The following HCN3 variants were observed in gnomAD, a reference collection of about 807,000 sequenced individuals.
The protein encoded by HCN3 is hyperpolarization activated cyclic nucleotide gated potassium channel 3.
HCN3 carries 36 observed loss-of-function variants against 56.8 expected under a neutral mutation model. The ratio of observed to expected loss-of-function variants is 0.63; its 90% CI spans 0.49 to 0.84. HCN3 has a LOEUF of 0.84. Ranked by LOEUF, HCN3 falls within the 40% of genes least tolerant of loss-of-function variation. The pLI, the probability that HCN3 is intolerant of heterozygous loss-of-function variation, is 0.00. For missense variants in HCN3, 930 were observed against 1,079.3 expected, an observed-to-expected ratio of 0.86 and a Z score of 1.94; for synonymous variants, 425 against 439.7, an observed-to-expected ratio of 0.97 and a Z score of 0.42.
chr1:155,283,005 A>G (rs1424913558), intron 2 of HCN3, among the ~76,000 whole-genome samples, 165 bp downstream of exon 2: 1 of 151,848 alleles, frequency 6.6e-6, no homozygotes, highest in African/African-American at 2.4e-5. Flanking sequence ...CTCTCTCCAA[A>G]ACTGGTGGGG....
At chr1:155,283,720 A>T (rs1235711029) in intron 2 of HCN3, among the ~76,000 whole-genome samples, 1 of 152,056 alleles carries the variant, frequency 6.6e-6, no homozygotes, top group Non-Finnish European at 1.5e-5. Context: ...CTGCTGTGAC[A>T]CTTACTATGT....
At chr1:155,279,488 G>T (rs1326195304) in intron 1 of HCN3, among the ~76,000 whole-genome samples, 1 of 152,198 alleles carries the variant, frequency 6.6e-6, no homozygotes, top group African/African-American at 2.4e-5. Flanking sequence ...CCTGTTTGAG[G>T]TTCTGTGGAG....
chr1:155,280,523 G>A (rs957806961), intron 1 of HCN3, among the ~76,000 whole-genome samples: 35 of 147,270 alleles, frequency 2.4e-4, no homozygotes, highest in Non-Finnish European at 3.7e-4. Flanking sequence ...TGCAAGCTCC[G>A]CCTCCCGGGT....
In HCN3 at chr1:155,284,291, C is replaced by A; in HGVS notation, c.870+156C>A. 1 of 928,724 alleles carries A rather than the reference C, an allele frequency of 1.1e-6. No individual in the cohort carries two copies. Among genetic ancestry groups the A allele is most frequent in the Non-Finnish European group, 1.6e-6 (1 of 628,200 alleles). 57.5% of individuals were successfully genotyped at this position (928,724 alleles called of 1,614,324 possible). A position where few individuals can be genotyped will look rare whatever the true frequency, so the allele number is the denominator to read the frequency against. Reference sequence around the variant, plus strand: ...GGAGGGAGGAAAGGGGAAGGAGACCCAGAAGAAGTGCTCGTGTGTTGGAGG... The same window carrying A: ...GGAGGGAGGAAAGGGGAAGGAGACCAAGAAGAAGTGCTCGTGTGTTGGAGG... On this transcript the variant is annotated intron_variant, in intron 3 of 7. Coordinates refer to ENST00000368358, the MANE Select transcript of HCN3 (RefSeq NM_020897.3). This position sits in a 1 kb window ranked among gnomAD's most constrained non-coding sequence, Gnocchi z 4.3.
Position 155,284,059 on chromosome 1 carries a change from A to G in HCN3, c.794A>G (p.Asp265Gly). The change falls in exon 3 of 8, where the codon GAT (aspartate) becomes GGT (glycine). Residue 265 changes from aspartate (D) to glycine (G), a missense_variant. By Grantham distance (94) the Asp-to-Gly change is moderately conservative. Coordinates refer to ENST00000368358, the MANE Select transcript of HCN3 (RefSeq NM_020897.3). The surrounding 1 kb of genome is among the most constrained non-coding windows in gnomAD (Gnocchi z 4.3). ...ATGATGCTGCTGCTATGTCACTGGG[A>G]TGGCTGTCTGCAGTTCCTGGTGCCC... Reference protein sequence around the residue: ...IGMMLLLCHWDGCLQFLVPML... With the variant: ...IGMMLLLCHWGGCLQFLVPML... 1 of 1,614,114 alleles carries G rather than the reference A, an allele frequency of 6.2e-7. No homozygotes were observed. The highest frequency in any genetic ancestry group is 8.5e-7 in the Non-Finnish European group (1 of 1,180,002).
At position 155,285,732 on chromosome 1, in the gene HCN3, T is replaced by C. The variant is rs561287940; in HGVS notation, c.1245T>C (p.Ile415=). Residue 415 remains isoleucine (I), a synonymous_variant, in exon 6 of 8, where the codon ATT becomes ATC. Transcript: ENST00000368358. This position sits in a 1 kb window ranked among gnomAD's most constrained non-coding sequence, Gnocchi z 4.5. ...GCCCCTCCCCTGTCCAGGAGATCAT[T>C]AACTTCACCTGTCGGGGCCTGGTGG... ...ELSEPLREEI[I]NFTCRGLVAH... 1.5e-4 allele frequency: 250 copies of C among 1,614,056 alleles called. 1 individual carries two copies. The Admixed American group carries it at 4.0e-3, about 26-fold the overall frequency.
At chr1:155,278,302 T>C in intron 1 of HCN3, 1 of 202,884 alleles carries the variant, frequency 4.9e-6, no homozygotes, top group African/African-American at 2.3e-5. Context: ...ACCCGCTCCT[T>C]AGCACCTGCC....
At position 155,282,277 on chromosome 1, in the gene HCN3, C is replaced by T. The variant is rs1336900644; in HGVS notation, c.279-134C>T. 1.2e-6 allele frequency: 1 copy of T among 836,104 alleles called. No homozygotes were observed. The highest frequency in any genetic ancestry group is 1.9e-6 in the Non-Finnish European group (1 of 531,124). 51.8% of individuals were successfully genotyped at this position (836,104 alleles called of 1,614,324 possible). A position where few individuals can be genotyped will look rare whatever the true frequency, so the allele number is the denominator to read the frequency against. ...CCAAATGGTGGTCCCAACTTATACT[C>T]CCAACAGCTGTAAACAGTCATTCTG... On this transcript the variant is annotated intron_variant, in intron 1 of 7. Transcript: ENST00000368358. This position sits in a 1 kb window ranked among gnomAD's most constrained non-coding sequence, Gnocchi z 4.7.
At position 155,284,572 on chromosome 1, in the gene HCN3, C is replaced by T. The variant is rs1398546226; in HGVS notation, c.904C>T (p.Leu302=). ...HSWGRQYSHA[L]FKAMSHMLCI... ...GTGGGGCCGCCAGTATTCCCATGCCCTGTTCAAGGCCATGAGCCACATGCT... is the reference window on the plus strand; with the variant it reads ...GTGGGGCCGCCAGTATTCCCATGCCTTGTTCAAGGCCATGAGCCACATGCT... The change falls in exon 4 of 8, where the codon CTG becomes TTG. Residue 302 remains leucine, a synonymous_variant. Transcript: ENST00000368358. This position sits in a 1 kb window ranked among gnomAD's most constrained non-coding sequence, Gnocchi z 4.3. The T allele has an allele frequency of 6.2e-7, 1 of 1,613,342 alleles. No homozygotes were observed. Among genetic ancestry groups the T allele is most frequent in the South Asian group, 1.1e-5 (1 of 91,040 alleles).
rs147514389 is a variant in HCN3 at position 155,288,050 on chromosome 1, C to G, written c.1912C>G (p.Pro638Ala). 1 of 1,613,688 alleles carries G rather than the reference C, an allele frequency of 6.2e-7. No homozygotes were observed. The highest frequency in any genetic ancestry group is 1.3e-5 in the African/African-American group (1 of 74,884). ...RGPLPLSPDSPATLLARSAWR... is the reference protein window; with the variant it reads ...RGPLPLSPDSAATLLARSAWR... ...CCCTCTGCCCCTCTCCCCTGACTCTCCAGCCACCCTCCTTGCTCGCTCTGC... is the reference window on the plus strand; with the variant it reads ...CCCTCTGCCCCTCTCCCCTGACTCTGCAGCCACCCTCCTTGCTCGCTCTGC... The change falls in exon 8 of 8, where the codon CCA (proline) becomes GCA (alanine). Residue 638 changes from proline to alanine, a missense_variant. Coordinates refer to ENST00000368358, the MANE Select transcript of HCN3 (RefSeq NM_020897.3). This position sits in a 1 kb window ranked among gnomAD's most constrained non-coding sequence, Gnocchi z 6.5.
chr1:155,284,449 G>T lies in HCN3; in HGVS notation c.871-90G>T. On this transcript the variant is annotated intron_variant, in intron 3 of 7. Coordinates refer to ENST00000368358, the MANE Select transcript of HCN3 (RefSeq NM_020897.3). The surrounding 1 kb of genome is among the most constrained non-coding windows in gnomAD (Gnocchi z 4.3). ...AGGAAGGCCTGCAGTAGAAGGGGCA[G>T]ACAGAAAGACCAAAGAAGGAAAAGG... 1 of 1,369,568 alleles carries T rather than the reference G, an allele frequency of 7.3e-7. No individual in the cohort carries two copies. Among genetic ancestry groups the T allele is most frequent in the South Asian group, 1.4e-5 (1 of 72,942 alleles). 84.8% of individuals were successfully genotyped at this position (1,369,568 alleles called of 1,614,324 possible). A position where few individuals can be genotyped will look rare whatever the true frequency, so the allele number is the denominator to read the frequency against.
intron 1 of HCN3, among the ~76,000 whole-genome samples, chr1:155,280,135 T>TG (rs2148167251): frequency 6.6e-6 from 1 of 151,722 alleles, no homozygotes; most frequent in East Asian, 1.9e-4. Context: ...TTAGTAGACG[T>TG]GGGGTTTCAC....
chr1:155,285,126 C>T lies in HCN3; in HGVS notation c.1090-39C>T. ...CACTGTGCCGGCCCCAAATCTCTCC[C>T]TCTGTCCTCTTGCCCCTGGCAATGG... On this transcript the variant is annotated intron_variant, in intron 4 of 7. Transcript: ENST00000368358. The surrounding 1 kb of genome is among the most constrained non-coding windows in gnomAD (Gnocchi z 4.5). 12 of 1,605,754 alleles carry T rather than the reference C, an allele frequency of 7.5e-6. No individual in the cohort carries two copies. The highest frequency in any genetic ancestry group is 1.0e-5 in the Non-Finnish European group (12 of 1,174,324).
At chr1:155,286,051 A>G in intron 6 of HCN3, 87 bp downstream of exon 6, 1 of 1,495,794 alleles carries the variant, frequency 6.7e-7, no homozygotes, top group South Asian at 1.3e-5. Flanking sequence ...CTGCCTCAGT[A>G]CGCTGCAGAA....
At chr1:155,287,141 G>C (rs752827015) in intron 6 of HCN3, 32 bp from the exon 7 acceptor site, 3 of 1,606,736 alleles carry the variant, frequency 1.9e-6, no homozygotes, top group Admixed American at 3.3e-5. Context: ...GGACAAGGAC[G>C]GGGTTCTGAA....
Position 155,284,054 on chromosome 1 carries a change from C to G in HCN3, c.789C>G (p.His263Gln). The change falls in exon 3 of 8, where the codon CAC becomes CAG. Residue 263 changes from histidine to glutamine, a missense_variant. Transcript: ENST00000368358. The surrounding 1 kb of genome is among the most constrained non-coding windows in gnomAD (Gnocchi z 4.3). Reference sequence around the variant, plus strand: ...TTGGGATGATGCTGCTGCTATGTCACTGGGATGGCTGTCTGCAGTTCCTGG... The same window carrying G: ...TTGGGATGATGCTGCTGCTATGTCAGTGGGATGGCTGTCTGCAGTTCCTGG... ...NLIGMMLLLC[H>Q]WDGCLQFLVP... 6.2e-7 allele frequency: 1 copy of G among 1,614,206 alleles called. No homozygotes were observed. Among genetic ancestry groups the G allele is most frequent in the Non-Finnish European group, 8.5e-7 (1 of 1,180,032 alleles).
intron 1 of HCN3, among the ~76,000 whole-genome samples, chr1:155,280,511 A>G (rs1485818562): frequency 2.0e-5 from 3 of 146,738 alleles, no homozygotes; most frequent in Admixed American, 6.9e-5. Context: ...ATCTCGGCTC[A>G]CTGCAAGCTC....
In HCN3 at chr1:155,283,704, G is replaced by A. The variant is rs11264351; in HGVS notation, c.709-270G>A. Among the ~76,000 whole-genome samples, 9,002 of 152,022 alleles carry A rather than the reference G, an allele frequency of 0.059. 1,608 individuals are homozygous for A. The East Asian group carries it at 0.68, about 12-fold the overall frequency. On this transcript the variant is annotated intron_variant, in intron 2 of 7. Coordinates refer to ENST00000368358, the MANE Select transcript of HCN3 (RefSeq NM_020897.3). Reference sequence around the variant, plus strand: ...GGCAGCTTGTGCAATAGATTTGTTTGATTCTCTGCTGTGACACTTACTATG... The same window carrying A: ...GGCAGCTTGTGCAATAGATTTGTTTAATTCTCTGCTGTGACACTTACTATG...
Position 155,284,896 on chromosome 1 carries a change from C to G in HCN3, c.1089+139C>G. ...CCCTGTGTCCATTTGTTCCCTGCCC[C>G]TGCATGTACCTTTTCCTTGTTTGAA... On this transcript the variant is annotated intron_variant, in intron 4 of 7. Coordinates refer to ENST00000368358, the MANE Select transcript of HCN3 (RefSeq NM_020897.3). The surrounding 1 kb of genome is among the most constrained non-coding windows in gnomAD (Gnocchi z 4.3). 1.1e-6 allele frequency: 1 copy of G among 873,910 alleles called. No homozygotes were observed. The highest frequency in any genetic ancestry group is 3.5e-4 in the Middle Eastern group (1 of 2,840). 54.1% of individuals were successfully genotyped at this position (873,910 alleles called of 1,614,324 possible).
Sources: allele counts gnomAD v4.1 joint callset (sites outside exome capture counted in the v4.1 genomes callset), GRCh38; gene constraint gnomAD v4.1.1; non-coding constraint Gnocchi (gnomAD v3.1); transcripts MANE v1.5; gene names NCBI Gene and HGNC (gene_info 2026-07-23, HGNC 2026-07-21).